CTNNA3: variants seen among roughly 807,000 people sequenced by gnomAD.
The protein encoded by CTNNA3 is catenin alpha 3.
In CTNNA3, 76 loss-of-function variants were observed where a neutral mutation model predicts 95.7. The ratio of observed to expected loss-of-function variants is 0.79; its 90% CI spans 0.66 to 0.96. The LOEUF (loss-of-function observed/expected upper bound fraction) is 0.96. Among genes scored for constraint, CTNNA3 ranks in the 40% least tolerant of loss-of-function variants. The pLI is 0.00. For synonymous variants in CTNNA3, 431 were observed against 374.4 expected (o/e 1.15, Z -1.74); for missense variants, 1,191 against 1,089.8 (o/e 1.09, Z -1.31).
At chr10:67,016,506 C>T (rs1017313836) in intron 7 of CTNNA3, among the ~76,000 whole-genome samples, 8 of 152,104 alleles carry the variant, frequency 5.3e-5, no homozygotes, top group African/African-American at 1.2e-4. Flanking sequence ...GAGAATAGAA[C>T]GAGGTTGTTG....
intron 1 of CTNNA3, among the ~76,000 whole-genome samples, chr10:67,743,142 A>T (rs1384048917): frequency 2.0e-5 from 3 of 151,240 alleles, no homozygotes; most frequent in African/African-American, 7.3e-5. Context: ...ATCCTCCCTA[A>T]CTCATTTTAT....
intron 9 of CTNNA3, among the ~76,000 whole-genome samples, chr10:66,663,080 A>G (rs1210762890): frequency 6.6e-6 from 1 of 152,020 alleles, no homozygotes; most frequent in African/African-American, 2.4e-5. Context: ...TCCTCACCTT[A>G]ATTGCTGTAT....
At chr10:67,290,031 C>T (rs1016846331) in intron 5 of CTNNA3, among the ~76,000 whole-genome samples, 7 of 151,948 alleles carry the variant, frequency 4.6e-5, no homozygotes, top group Non-Finnish European at 8.8e-5. Context: ...GCCTCAAATT[C>T]CTGGCCTCAA....
intron 5 of CTNNA3, among the ~76,000 whole-genome samples, chr10:67,245,899 G>C (rs1489485258): frequency 6.6e-6 from 1 of 150,912 alleles, no homozygotes; most frequent in South Asian, 2.1e-4. Context: ...AGTTACAACA[G>C]GGAAGACAGA....
At chr10:67,732,349 T>C (rs1281037321) in intron 1 of CTNNA3, among the ~76,000 whole-genome samples, 6 of 152,172 alleles carry the variant, frequency 3.9e-5, no homozygotes, top group Non-Finnish European at 7.3e-5. Context: ...TAAAATCTTA[T>C]TTGGGCATCT....
chr10:67,613,813 C>T (rs1405179715), intron 2 of CTNNA3, among the ~76,000 whole-genome samples: 2 of 151,546 alleles, frequency 1.3e-5, no homozygotes, highest in Non-Finnish European at 3.0e-5. Context: ...TTTTTGGTAC[C>T]AGAGACCCAT....
intron 13 of CTNNA3, among the ~76,000 whole-genome samples, chr10:66,193,102 C>G (rs1189817642): frequency 1.3e-5 from 2 of 152,074 alleles, no homozygotes; most frequent in Non-Finnish European, 2.9e-5. Flanking sequence ...TTTACAAGGT[C>G]TATTGGGAGA....
intron 7 of CTNNA3, among the ~76,000 whole-genome samples, chr10:66,886,041 C>G (rs1284671726): frequency 6.6e-6 from 1 of 152,092 alleles, no homozygotes; most frequent in African/African-American, 2.4e-5. Context: ...ATTTTCCTTA[C>G]TGCCGCCATA....
At chr10:67,555,322 T>C (rs1446799824) in intron 3 of CTNNA3, among the ~76,000 whole-genome samples, 2 of 152,198 alleles carry the variant, frequency 1.3e-5, no homozygotes, top group African/African-American at 4.8e-5. Flanking sequence ...CAGATGGCAT[T>C]GAATCTATAA....
chr10:67,750,862 G>GA lies in CTNNA3; in HGVS notation c.-2+12571dup, dbSNP rs1198573640. Reference sequence around the variant, plus strand: ...TGAGTGTCACCCATACCTCACACAGGAGAAACTGATCCAGTACTGCCACTC... The same window carrying GA: ...TGAGTGTCACCCATACCTCACACAGGAAGAAACTGATCCAGTACTGCCACTC... On this transcript the variant is annotated intron_variant, in intron 1 of 17. Transcript: ENST00000684154. 7 of 1,610,650 alleles carry GA rather than the reference G, an allele frequency of 4.3e-6. No homozygotes were observed. The African/African-American group carries it at 9.4e-5, about 22-fold the overall frequency.
intron 7 of CTNNA3, among the ~76,000 whole-genome samples, chr10:67,036,101 T>C (rs926821520): frequency 2.6e-5 from 4 of 152,176 alleles, no homozygotes; most frequent in African/African-American, 9.7e-5. Context: ...TAGACCTTAG[T>C]AGAGATAGTC....
chr10:66,906,968 A>G (rs868724951), intron 7 of CTNNA3, among the ~76,000 whole-genome samples: 12 of 152,126 alleles, frequency 7.9e-5, no homozygotes, highest in African/African-American at 2.7e-4. Context: ...GTATGTTTGG[A>G]AATTTACATA....
In CTNNA3 at chr10:65,915,359, G is replaced by A. The variant is rs2076993482; in HGVS notation, c.*4971C>T. The stretch of plus-strand genomic sequence containing the variant: ...ATTCTATCCTTAATACTTTCCTCAG[G>A]AGGGCTGCCTAATCTTCATAAAACC... On this transcript the variant is annotated 3_prime_UTR_variant, in exon 18 of 18. Coordinates refer to ENST00000433211, the MANE Select transcript of CTNNA3 (RefSeq NM_013266.4). 1 of 151,036 alleles carries A rather than the reference G, an allele frequency of 6.6e-6. No individual in the cohort carries two copies. Among genetic ancestry groups the A allele is most frequent in the Non-Finnish European group, 1.5e-5 (1 of 67,806 alleles). 9.4% of individuals were successfully genotyped at this position (151,036 alleles called of 1,614,324 possible). A position where few individuals can be genotyped will look rare whatever the true frequency, so the allele number is the denominator to read the frequency against.
At chr10:66,892,368 G>A (rs564627508) in intron 7 of CTNNA3, among the ~76,000 whole-genome samples, 3 of 152,074 alleles carry the variant, frequency 2.0e-5, no homozygotes, top group Middle Eastern at 3.4e-3. Flanking sequence ...ATTATGTAGT[G>A]CAATTTCCCT....
At chr10:66,333,138 C>A (rs1234442513) in intron 12 of CTNNA3, among the ~76,000 whole-genome samples, 1 of 151,626 alleles carries the variant, frequency 6.6e-6, no homozygotes, top group Admixed American at 6.6e-5. Flanking sequence ...ATTAGTCTTG[C>A]TAGCGGCCTA....
At chr10:67,279,665 G>A (rs1325643728) in intron 5 of CTNNA3, among the ~76,000 whole-genome samples, 1 of 150,458 alleles carries the variant, frequency 6.6e-6, no homozygotes, top group Non-Finnish European at 1.5e-5. Context: ...GGAACAAAAG[G>A]AAAGGCGGCT....
At chr10:67,740,907 C>A (rs1841333400) in intron 1 of CTNNA3, among the ~76,000 whole-genome samples, 1 of 151,282 alleles carries the variant, frequency 6.6e-6, no homozygotes, top group Non-Finnish European at 1.5e-5. Flanking sequence ...TTGGAACCAA[C>A]CCAAATGTCC....
rs74141439 is a variant in CTNNA3, at chr10:66,315,976, A to G, written c.1733-35355T>C. ...ACTTAACATTATTGATAGGTTCTTG[A>G]AAACCGCAACTTTAACACAACCAAT... is the stretch of plus-strand genomic sequence containing the variant. On this transcript the variant is annotated intron_variant, in intron 12 of 17. Coordinates refer to ENST00000433211, the MANE Select transcript of CTNNA3 (RefSeq NM_013266.4). 2.9e-3 allele frequency among the ~76,000 whole-genome samples: 440 copies of G among 152,252 alleles called. 3 individuals carry two copies. The highest frequency in any genetic ancestry group is 9.8e-3 in the African/African-American group (407 of 41,572).
At chr10:66,593,221 G>A (rs1843609139) in intron 10 of CTNNA3, among the ~76,000 whole-genome samples, 2 of 152,116 alleles carry the variant, frequency 1.3e-5, no homozygotes, top group Non-Finnish European at 2.9e-5. Context: ...GTTGGTGATG[G>A]TGGCAGGGCA....
Sources: allele counts gnomAD v4.1 joint callset (sites outside exome capture counted in the v4.1 genomes callset), GRCh38; gene constraint gnomAD v4.1.1; transcripts MANE v1.5; gene names NCBI Gene and HGNC (gene_info 2026-07-23, HGNC 2026-07-21).